Variants in TOPBP1 observed in about 807,000 individuals in gnomAD.
The protein encoded by TOPBP1 is DNA topoisomerase II binding protein 1, also known as DNA topoisomerase 2-binding protein 1.
In TOPBP1, 28 loss-of-function variants were observed where a neutral mutation model predicts 167.7. The ratio of observed to expected loss-of-function variants is 0.17; its 90% confidence interval spans 0.12 to 0.23. The LOEUF (loss-of-function observed/expected upper bound fraction) is 0.23, where lower values mean the gene tolerates loss of function less well. Ranked by LOEUF, TOPBP1 falls within the 10% of genes least tolerant of loss-of-function variation. The pLI, the probability that TOPBP1 is intolerant of heterozygous loss-of-function variation, is 1.00. For missense variants in TOPBP1, 1,554 were observed against 1,809.6 expected (o/e 0.86, Z 2.56); for synonymous variants, 598 against 611.4 (o/e 0.98, Z 0.32).
intron 11 of TOPBP1, 82 bp from the exon 12 acceptor site, chr3:133,643,454 A>G: frequency 7.9e-7 from 1 of 1,263,066 alleles, no homozygotes; most frequent in Non-Finnish European, 1.1e-6. Flanking sequence ...AGAAGCAATA[A>G]TTTAGTTTTG....
Position 133,623,400 on chromosome 3 carries a change from T to G in TOPBP1, c.2986A>C (p.Lys996Gln). Residue 996 changes from lysine to glutamine, a missense_variant, in exon 18 of 28, where the codon AAA becomes CAA. Physicochemically the swap from Lys to Gln is moderately conservative, Grantham distance 53. Transcript: ENST00000260810. ...ACTGCGCTGATATCCAAGCTCATTTTGGGATTATAAGTATGTGGATAAAGA... is the reference window on the plus strand; with the variant it reads ...ACTGCGCTGATATCCAAGCTCATTTGGGGATTATAAGTATGTGGATAAAGA... ...ESLYPHTYNPKMSLDISAVQD... is the reference protein window; with the variant it reads ...ESLYPHTYNPQMSLDISAVQD... The G allele has an allele frequency of 6.2e-7, 1 of 1,613,222 alleles. No individual in the cohort carries two copies. The highest frequency in any genetic ancestry group is 8.5e-7 in the Non-Finnish European group (1 of 1,179,560).
At chr3:133,625,516 T>C (rs903403050) in intron 16 of TOPBP1, among the ~76,000 whole-genome samples, 1 of 152,092 alleles carries the variant, frequency 6.6e-6, no homozygotes, top group Non-Finnish European at 1.5e-5. Flanking sequence ...GTGGATCACC[T>C]GAGGTCGGGA....
intron 14 of TOPBP1, among the ~76,000 whole-genome samples, chr3:133,637,639 G>A (rs1281854961): frequency 3.3e-5 from 5 of 152,162 alleles, no homozygotes; most frequent in Admixed American, 6.5e-5. Context: ...TACAGTTCAA[G>A]ATCGATCCAG....
chr3:133,601,026 G>C lies in TOPBP1; in HGVS notation c.*224C>G, dbSNP rs1028029120. The C allele has an allele frequency of 2.9e-6, 1 of 341,856 alleles. No homozygotes were observed. The highest frequency in any genetic ancestry group is 5.3e-5 in the Admixed American group (1 of 18,858). The allele number at this position is 341,856 out of a possible 1,614,324, so 21.2% of individuals were successfully genotyped here. A position where few individuals can be genotyped will look rare whatever the true frequency, so the allele number is the denominator to read the frequency against. On this transcript the variant is annotated 3_prime_UTR_variant, in exon 28 of 28. Transcript: ENST00000260810. ...GGTTTAACAGCAAGCTAGCTGAGGA[G>C]TTGTATTTTGTTGTTATTTCAGGTA...
At chr3:133,603,740 C>G (rs904988946) in intron 27 of TOPBP1, among the ~76,000 whole-genome samples, 2 of 149,030 alleles carry the variant, frequency 1.3e-5, no homozygotes, top group Non-Finnish European at 3.0e-5. Context: ...ATTCCACAAA[C>G]AGCTGGAGAT....
intron 2 of TOPBP1, among the ~76,000 whole-genome samples, chr3:133,659,460 A>G (rs1936604655): frequency 6.6e-6 from 1 of 152,174 alleles, no homozygotes; most frequent in South Asian, 2.1e-4. Context: ...AAGACAACAC[A>G]GTCTGGTTTC....
In TOPBP1 at chr3:133,629,008, T is replaced by G. The variant is rs575046418; in HGVS notation, c.2521-275A>C. 1.2e-4 allele frequency among the ~76,000 whole-genome samples: 18 copies of G among 152,324 alleles called. No individual in the cohort carries two copies. In the South Asian group the frequency reaches 1.7e-3, roughly 14 times the overall value. On this transcript the variant is annotated intron_variant, in intron 14 of 27. Coordinates refer to ENST00000260810, the MANE Select transcript of TOPBP1 (RefSeq NM_007027.4). ...CAAAGAGACTAACTAGCTTACATTT[T>G]CAGCAGTGCTTGTCTCTTACCTGAA...
chr3:133,642,220 C>T (rs542879646), intron 12 of TOPBP1, among the ~76,000 whole-genome samples: 41 of 151,902 alleles, frequency 2.7e-4, no homozygotes, highest in Non-Finnish European at 5.0e-4. Flanking sequence ...TGGTCTTGAA[C>T]TCCTGAGCTC....
intron 8 of TOPBP1, among the ~76,000 whole-genome samples, chr3:133,650,360 T>TG (rs1476756123): frequency 0.016 from 1,265 of 77,560 alleles, 12 homozygotes; most frequent in Non-Finnish European, 0.027. Context: ...AAATTGTGTG[T>TG]GTGTGGGGGG....
Position 133,649,535 on chromosome 3 carries a change from T to G in TOPBP1, c.1352A>C (p.Glu451Ala). 1 of 1,613,938 alleles carries G rather than the reference T, an allele frequency of 6.2e-7. No homozygotes were observed. Among genetic ancestry groups the G allele is most frequent in the Non-Finnish European group, 8.5e-7 (1 of 1,179,856 alleles). ...PYIHANYQPV[E>A]IPVSHKPESK... ...TTCAGGCTTATGTGAAACTGGAATT[T>G]CCACTGGCTGGTAATTAGCATGGAT... is the stretch of plus-strand genomic sequence containing the variant. The change falls in exon 10 of 28, where the codon GAA becomes GCA. Residue 451 changes from glutamate to alanine, a missense_variant. This residue lies in a region of TOPBP1 where 1,197 missense variants were observed against 1,351.5 expected (regional missense o/e 0.89). Transcript: ENST00000260810.
At chr3:133,660,693 CAATT>C (rs1232049481) in intron 2 of TOPBP1, among the ~76,000 whole-genome samples, 2 of 152,116 alleles carry the variant, frequency 1.3e-5, no homozygotes, top group African/African-American at 4.8e-5. Context: ...TAATTTTTAA[CAATT>C]AACCAAAAAA....
chr3:133,643,886 C>T, intron 11 of TOPBP1, 134 bp downstream of exon 11: 4 of 965,398 alleles, frequency 4.1e-6, no homozygotes, highest in Non-Finnish European at 4.5e-6. Context: ...ATTTCCCTTG[C>T]TAAAAGCAAA....
chr3:133,651,582 A>G (rs1335736492), intron 8 of TOPBP1, among the ~76,000 whole-genome samples: 1 of 152,230 alleles, frequency 6.6e-6, no homozygotes, highest in Non-Finnish European at 1.5e-5. Flanking sequence ...ATAGGAATAC[A>G]TTAAGTATTC....
intron 23 of TOPBP1, among the ~76,000 whole-genome samples, chr3:133,613,784 CTT>C (rs11393295): frequency 7.1e-5 from 9 of 127,226 alleles, no homozygotes; most frequent in Non-Finnish European, 4.9e-5. Flanking sequence ...ATATCAAGGA[CTT>C]TTTTTTTTTT....
chr3:133,658,605 ACCAGC>A, intron 3 of TOPBP1, among the ~76,000 whole-genome samples: 1 of 151,854 alleles, frequency 6.6e-6, no homozygotes, highest in Non-Finnish European at 1.5e-5. Context: ...GGAGTTCAAG[ACCAGC>A]CCAGCCTGGC....
At chr3:133,614,402 C>A (rs187650176) in intron 23 of TOPBP1, among the ~76,000 whole-genome samples, 1 of 152,056 alleles carries the variant, frequency 6.6e-6, no homozygotes, top group Non-Finnish European at 1.5e-5. Context: ...ACTTATTCTG[C>A]GACCCAGACA....
rs773830520 is a variant in TOPBP1, at chr3:133,638,140, T to C, written c.2256A>G (p.Ile752Met). ...TKEERSLETE[I>M]TNGINLNSDT... Reference sequence around the variant, plus strand: ...CTGAATTTAGATTGATTCCATTTGTTATTTCTGTTTCCAAACTTCGTTCTA... The same window carrying C: ...CTGAATTTAGATTGATTCCATTTGTCATTTCTGTTTCCAAACTTCGTTCTA... Residue 752 changes from isoleucine (I) to methionine (M), a missense_variant, in exon 14 of 28, where the codon ATA becomes ATG. Transcript: ENST00000260810. 1 of 1,613,324 alleles carries C rather than the reference T, an allele frequency of 6.2e-7. No homozygotes were observed. Among genetic ancestry groups the C allele is most frequent in the South Asian group, 1.1e-5 (1 of 91,048 alleles).
At chr3:133,620,050 A>G in intron 20 of TOPBP1, 105 bp downstream of exon 20, 1 of 1,282,762 alleles carries the variant, frequency 7.8e-7, no homozygotes, top group East Asian at 2.6e-5. Flanking sequence ...AAAAAAGAAA[A>G]AAAAGCTAAA....
At chr3:133,652,688 G>A (rs1473675799) in intron 7 of TOPBP1, 59 bp from the exon 8 acceptor site, 1 of 1,374,824 alleles carries the variant, frequency 7.3e-7, no homozygotes, top group Non-Finnish European at 9.9e-7. Context: ...ATTACATATT[G>A]TCTATGGATT....
Sources: allele counts gnomAD v4.1 joint callset (sites outside exome capture counted in the v4.1 genomes callset), GRCh38; gene constraint gnomAD v4.1.1; regional missense constraint gnomAD v4.1.1; transcripts MANE v1.5; gene names NCBI Gene and HGNC (gene_info 2026-07-23, HGNC 2026-07-21).